Variants in PDE3A observed in about 807,000 individuals in gnomAD.
PDE3A encodes the protein phosphodiesterase 3A.
A neutral mutation model predicts 98.3 loss-of-function variants in PDE3A; 43 were observed. The observed-to-expected ratio is 0.44, with a 90% CI of 0.34 to 0.56. PDE3A has a LOEUF of 0.56. Among genes scored for constraint, PDE3A ranks in the 20% least tolerant of loss-of-function variants. The pLI is 0.01. For synonymous variants in PDE3A, 663 were observed against 567.9 expected, an observed-to-expected ratio of 1.17 and a Z score of -2.38; for missense variants, 1,427 against 1,440.7, an observed-to-expected ratio of 0.99 and a Z score of 0.15.
At chr12:20,442,547 G>A (rs1407189582) in intron 1 of PDE3A, among the ~76,000 whole-genome samples, 2 of 152,200 alleles carry the variant, frequency 1.3e-5, no homozygotes, top group African/African-American at 4.8e-5. Context: ...CTCACCAAAT[G>A]TCAAGGAGAC....
chr12:20,458,403 G>C (rs946877600), intron 1 of PDE3A, among the ~76,000 whole-genome samples: 2 of 150,856 alleles, frequency 1.3e-5, no homozygotes, highest in Non-Finnish European at 3.0e-5. Flanking sequence ...AACCAATTTT[G>C]GGTTGATGTT....
chr12:20,647,701 TC>T (rs1393318988), intron 12 of PDE3A, among the ~76,000 whole-genome samples: 1 of 152,132 alleles, frequency 6.6e-6, no homozygotes, highest in Non-Finnish European at 1.5e-5. Context: ...GCTGTTCATT[TC>T]CACAGCTCAT....
chr12:20,385,648 A>C (rs1452492472), intron 1 of PDE3A, among the ~76,000 whole-genome samples: 1 of 151,886 alleles, frequency 6.6e-6, no homozygotes, highest in South Asian at 2.1e-4. Flanking sequence ...AGGGACATGG[A>C]TGAAGCTGGA....
chr12:20,671,681 G>A (rs61921484), intron 15 of PDE3A, among the ~76,000 whole-genome samples: 2,255 of 102,982 alleles, frequency 0.022, no homozygotes, highest in Non-Finnish European at 0.027. Flanking sequence ...AATAAATTAG[G>A]TATTGATGGG....
In PDE3A at chr12:20,541,071, CTTTCTTTTTTTTTTTTT is replaced by C. The variant is rs1300636047; in HGVS notation, c.961-15585_961-15569del. On this transcript the variant is annotated intron_variant, in intron 1 of 15. Coordinates refer to ENST00000359062, the MANE Select transcript of PDE3A (RefSeq NM_000921.5). The stretch of plus-strand genomic sequence containing the variant: ...CTCAAATTGACAAGGACATTGGTAA[CTTTCTTTTTTTTTTTTT>C]TTTTTTTTTTTTTTTTTTTTTTTTT... Among the ~76,000 whole-genome samples the C allele has an allele frequency of 3.9e-5, 3 of 77,132 alleles. No individual in the cohort carries two copies. In the East Asian group the frequency reaches 1.3e-3, roughly 34 times the overall value. 50.6% of individuals were successfully genotyped at this position (77,132 alleles called of 152,430 possible).
chr12:20,633,990 G>C lies in PDE3A; in HGVS notation c.1846+212G>C, dbSNP rs146006675. Among the ~76,000 whole-genome samples the C allele has an allele frequency of 8.2e-3, 1,241 of 152,202 alleles. 25 individuals are homozygous for C. The highest frequency in any genetic ancestry group is 0.029 in the African/African-American group (1,199 of 41,524). ...ACTAGGATTACAGGCATGAGCCACT[G>C]TGCCCAGCCTGATTTTTTAAATTAT... On this transcript the variant is annotated intron_variant, in intron 7 of 15. Coordinates refer to ENST00000359062, the MANE Select transcript of PDE3A (RefSeq NM_000921.5).
In PDE3A at chr12:20,376,846, A is replaced by T. The variant is rs138781528; in HGVS notation, c.960+6602A>T. Reference sequence around the variant, plus strand: ...CATGAAGAACATTACCATTTCGAAGATGGAAAGCTATTTGAGAGAAGTCAC... The same window carrying T: ...CATGAAGAACATTACCATTTCGAAGTTGGAAAGCTATTTGAGAGAAGTCAC... On this transcript the variant is annotated intron_variant, in intron 1 of 15. Transcript: ENST00000359062. Among the ~76,000 whole-genome samples, 961 of 151,982 alleles carry T rather than the reference A, an allele frequency of 6.3e-3. 10 individuals carry two copies. Among genetic ancestry groups the T allele is most frequent in the African/African-American group, 0.022 (897 of 41,526 alleles).
Position 20,686,136 on chromosome 12 carries a change from GT to G in PDE3A, c.*5868del, listed in dbSNP as rs1945954994. Among the ~76,000 whole-genome samples, 1 of 151,946 alleles carries G rather than the reference GT, an allele frequency of 6.6e-6. No homozygotes were observed. The highest frequency in any genetic ancestry group is 2.1e-4 in the South Asian group (1 of 4,820). On this transcript the variant is annotated 3_prime_UTR_variant, in exon 16 of 16. Transcript: ENST00000359062. ...CATATAACAGAAAACTAGAAAGAAG[GT>G]TTAATTCTTTTTCTAATATTCTACA...
intron 1 of PDE3A, among the ~76,000 whole-genome samples, chr12:20,481,542 G>A (rs751847676): frequency 4.6e-5 from 7 of 151,952 alleles, no homozygotes; most frequent in Admixed American, 1.3e-4. Flanking sequence ...CATAACTGGG[G>A]TACTATAGGA....
chr12:20,682,095 G>A lies in PDE3A; in HGVS notation c.*1824G>A, dbSNP rs1301819796. On this transcript the variant is annotated 3_prime_UTR_variant, in exon 16 of 16. Transcript: ENST00000359062. Reference sequence around the variant, plus strand: ...ATAGTTTTATTGCCAGTTAAATGAGGATGCTGCAAAGCATGTTTTTTCACT... The same window carrying A: ...ATAGTTTTATTGCCAGTTAAATGAGAATGCTGCAAAGCATGTTTTTTCACT... The A allele has an allele frequency of 6.6e-6, 1 of 152,158 alleles. No individual in the cohort carries two copies. Among genetic ancestry groups the A allele is most frequent in the African/African-American group, 2.4e-5 (1 of 41,446 alleles). The allele number at this position is 152,158 out of a possible 1,614,324, so 9.4% of individuals were successfully genotyped here.
intron 1 of PDE3A, among the ~76,000 whole-genome samples, chr12:20,532,468 A>G (rs369746289): frequency 1.3e-5 from 2 of 152,162 alleles, no homozygotes; most frequent in South Asian, 4.1e-4. Context: ...ATACCCATTT[A>G]TGGTATATGG....
chr12:20,568,096 A>C (rs1321141105), intron 2 of PDE3A, among the ~76,000 whole-genome samples: 1 of 152,000 alleles, frequency 6.6e-6, no homozygotes, highest in Admixed American at 6.6e-5. Flanking sequence ...GTTTAAGTAC[A>C]TCACCAACAT....
intron 1 of PDE3A, among the ~76,000 whole-genome samples, chr12:20,435,523 G>C (rs1344009751): frequency 6.6e-6 from 1 of 152,118 alleles, no homozygotes; most frequent in African/African-American, 2.4e-5. Flanking sequence ...ATTTGTCTGG[G>C]AGGTAGGAAG....
intron 1 of PDE3A, among the ~76,000 whole-genome samples, chr12:20,394,445 T>C (rs183195884): frequency 8.2e-4 from 125 of 152,168 alleles, no homozygotes; most frequent in Admixed American, 3.0e-3. Flanking sequence ...AGAAACCTCT[T>C]TGTGGCACTT....
intron 1 of PDE3A, among the ~76,000 whole-genome samples, chr12:20,401,300 G>C (rs915620760): frequency 9.9e-5 from 15 of 152,140 alleles, no homozygotes; most frequent in African/African-American, 3.6e-4. Flanking sequence ...TAATCAGGCA[G>C]CAGTTTTGTT....
At chr12:20,617,739 ACT>A (rs1351888600) in intron 4 of PDE3A, among the ~76,000 whole-genome samples, 1 of 151,946 alleles carries the variant, frequency 6.6e-6, no homozygotes, top group African/African-American at 2.4e-5. Flanking sequence ...CCATAGAATG[ACT>A]CTATGAAAAA....
chr12:20,471,939 A>G (rs1439068126), intron 1 of PDE3A, among the ~76,000 whole-genome samples: 1 of 152,114 alleles, frequency 6.6e-6, no homozygotes, highest in East Asian at 1.9e-4. Flanking sequence ...CGTGGCATTG[A>G]CGCGATTGGT....
At chr12:20,577,558 C>G (rs1246790130) in intron 2 of PDE3A, among the ~76,000 whole-genome samples, 1 of 152,168 alleles carries the variant, frequency 6.6e-6, no homozygotes, top group African/African-American at 2.4e-5. Context: ...ACCAGGAGAC[C>G]TGAACTCAGA....
At position 20,369,957 on chromosome 12, in the gene PDE3A, T is replaced by C. The variant is rs1421548483; in HGVS notation, c.673T>C (p.Ser225Pro). Residue 225 changes from serine to proline, a missense_variant, in exon 1 of 16, where the codon TCC (serine) becomes CCC (proline). This residue lies in a region of PDE3A where 1,012 missense variants were observed against 886.5 expected (regional missense o/e 1.14). Coordinates refer to ENST00000359062, the MANE Select transcript of PDE3A (RefSeq NM_000921.5). ...IALTSAVRTV[S>P]LISLERFKVA... ...CTTGACTAGCGCGGTCAGGACCGTG[T>C]CCCTCATTTCCTTAGAGAGGTTCAA... is the stretch of plus-strand genomic sequence containing the variant. 1.9e-6 allele frequency: 3 copies of C among 1,613,426 alleles called. No homozygotes were observed. Among genetic ancestry groups the C allele is most frequent in the Non-Finnish European group, 2.5e-6 (3 of 1,179,986 alleles).
Sources: allele counts gnomAD v4.1 joint callset (sites outside exome capture counted in the v4.1 genomes callset), GRCh38; gene constraint gnomAD v4.1.1; regional missense constraint gnomAD v4.1.1; transcripts MANE v1.5; gene names NCBI Gene and HGNC (gene_info 2026-07-23, HGNC 2026-07-21).